FAP: variants seen among roughly 807,000 people sequenced by gnomAD.
The protein encoded by FAP is prolyl endopeptidase FAP.
In FAP, 110 loss-of-function variants were observed where a neutral mutation model predicts 126.5. The observed-to-expected ratio is 0.87, with a 90% CI of 0.74 to 1.02. The LOEUF (loss-of-function observed/expected upper bound fraction) is 1.02, where lower values mean the gene tolerates loss of function less well. Ranked by LOEUF, FAP falls within the 50% of genes least tolerant of loss-of-function variation. The pLI, the probability that FAP is intolerant of heterozygous loss-of-function variation, is 0.00. For missense variants in FAP, 919 were observed against 909.2 expected, an observed-to-expected ratio of 1.01 and a Z score of -0.14; for synonymous variants, 334 against 297.3, an observed-to-expected ratio of 1.12 and a Z score of -1.27.
rs78340784 is a variant in FAP at position 162,173,808 on chromosome 2, T to G, written c.1970-21A>C. 47 of 1,432,362 alleles carry G rather than the reference T, an allele frequency of 3.3e-5. No individual in the cohort carries two copies. The African/African-American group carries it at 6.2e-4, about 19-fold the overall frequency. The allele number at this position is 1,432,362 out of a possible 1,614,324, so 88.7% of individuals were successfully genotyped here. ...AGACGCTATAAAATATATGAGAATA[T>G]GCATTGTTTGCATGTGATGAATGTC... On this transcript the variant is annotated intron_variant, in intron 22 of 25. Coordinates refer to ENST00000188790, the MANE Select transcript of FAP (RefSeq NM_004460.5).
chr2:162,209,953 C>G lies in FAP; in HGVS notation c.1046G>C (p.Gly349Ala). Residue 349 changes from glycine (G) to alanine (A), a missense_variant and splice_region_variant, in exon 12 of 26, where the codon GGA becomes GCA. Coordinates refer to ENST00000188790, the MANE Select transcript of FAP (RefSeq NM_004460.5). ...IEESRTGWAGGFFVSTPVFSY... is the reference protein window; with the variant it reads ...IEESRTGWAGAFFVSTPVFSY... ...AAGAAAAAGATAGCAAAATCATACT[C>G]CACCAGCCCATCCAGTTCTGCTTTC... 6.2e-7 allele frequency: 1 copy of G among 1,612,648 alleles called. No individual in the cohort carries two copies. The highest frequency in any genetic ancestry group is 8.5e-7 in the Non-Finnish European group (1 of 1,179,248).
At chr2:162,178,476 C>T (rs909424784) in intron 21 of FAP, among the ~76,000 whole-genome samples, 3 of 152,116 alleles carry the variant, frequency 2.0e-5, no homozygotes, top group Non-Finnish European at 2.9e-5. Context: ...TAGCACTCCC[C>T]CAGCGTGACA....
intron 2 of FAP, among the ~76,000 whole-genome samples, chr2:162,232,628 C>T (rs1026651341): frequency 6.6e-6 from 1 of 152,136 alleles, no homozygotes; most frequent in African/African-American, 2.4e-5. Context: ...TGAAGAATGT[C>T]TCAGCTCTAA....
chr2:162,209,054 T>C (rs909479324), intron 12 of FAP, among the ~76,000 whole-genome samples: 2 of 152,102 alleles, frequency 1.3e-5, no homozygotes, highest in East Asian at 3.8e-4. Context: ...ATTATCACTT[T>C]ACAGTTTATC....
chr2:162,180,389 G>A (rs1687656245), intron 21 of FAP, among the ~76,000 whole-genome samples: 1 of 152,148 alleles, frequency 6.6e-6, no homozygotes, highest in Admixed American at 6.5e-5. Flanking sequence ...GTGGTCCATG[G>A]ACCCAAACAT....
At chr2:162,171,285 T>C in intron 25 of FAP, 1 of 479,158 alleles carries the variant, frequency 2.1e-6, no homozygotes. Flanking sequence ...TCACATGCTT[T>C]AAACATATTT....
At chr2:162,181,936 T>C (rs1687707159) in intron 21 of FAP, among the ~76,000 whole-genome samples, 2 of 152,234 alleles carry the variant, frequency 1.3e-5, no homozygotes, top group African/African-American at 2.4e-5. Context: ...TCTGCTCAGA[T>C]GTTATATCAC....
chr2:162,238,843 TAAC>T (rs1379263839), intron 2 of FAP, among the ~76,000 whole-genome samples: 7 of 152,304 alleles, frequency 4.6e-5, no homozygotes, highest in South Asian at 2.1e-4. Context: ...ATACTAATAA[TAAC>T]AACAACAACG....
At chr2:162,180,461 CAG>C (rs1687658030) in intron 21 of FAP, among the ~76,000 whole-genome samples, 1 of 152,158 alleles carries the variant, frequency 6.6e-6, no homozygotes, top group Admixed American at 6.5e-5. Flanking sequence ...AGCACAGACT[CAG>C]AATCTCTGGT....
intron 2 of FAP, among the ~76,000 whole-genome samples, chr2:162,237,376 CG>C (rs1259436525): frequency 6.6e-6 from 1 of 152,156 alleles, no homozygotes; most frequent in African/African-American, 2.4e-5. Context: ...CCTAGTCCCC[CG>C]ACCCCCCAAC....
In FAP at chr2:162,170,686, G is replaced by A. The variant is rs546627569; in HGVS notation, c.*293C>T. The A allele has an allele frequency of 1.4e-3, 408 of 300,658 alleles. 1 individual carries two copies. Among genetic ancestry groups the A allele is most frequent in the African/African-American group, 8.3e-3 (388 of 46,900 alleles). 18.6% of individuals were successfully genotyped at this position (300,658 alleles called of 1,614,324 possible). On this transcript the variant is annotated 3_prime_UTR_variant, in exon 26 of 26. Transcript: ENST00000188790. ...ATCAATGAATACAGACAACACAATA[G>A]CACTTGAACTTCTGACTTTATTATT...
intron 2 of FAP, among the ~76,000 whole-genome samples, chr2:162,231,074 C>G (rs1201844839): frequency 6.6e-6 from 1 of 152,132 alleles, no homozygotes; most frequent in Non-Finnish European, 1.5e-5. Context: ...CAAATGCACT[C>G]TTCTTTAAGT....
At chr2:162,225,095 A>G (rs1689579517) in intron 4 of FAP, among the ~76,000 whole-genome samples, 3 of 152,134 alleles carry the variant, frequency 2.0e-5, no homozygotes, top group South Asian at 4.1e-4. Flanking sequence ...TTATTAACCA[A>G]AAGAGGCATT....
chr2:162,237,136 T>C (rs1690168133), intron 2 of FAP, among the ~76,000 whole-genome samples: 1 of 152,230 alleles, frequency 6.6e-6, no homozygotes, highest in African/African-American at 2.4e-5. Flanking sequence ...CTTGGTTCTC[T>C]ATACAATGAG....
At chr2:162,235,714 C>T (rs1185301081) in intron 2 of FAP, among the ~76,000 whole-genome samples, 4 of 152,178 alleles carry the variant, frequency 2.6e-5, no homozygotes, top group African/African-American at 4.8e-5. Context: ...CTGCCTGAGC[C>T]AGCAGTGGCA....
intron 22 of FAP, among the ~76,000 whole-genome samples, chr2:162,174,504 A>G (rs1203492797): frequency 3.9e-5 from 6 of 152,140 alleles, no homozygotes; most frequent in Non-Finnish European, 7.4e-5. Context: ...GTGGAGGTGA[A>G]CTGCTTGGCC....
At position 162,238,398 on chromosome 2, in the gene FAP, C is replaced by T. The variant is rs564992302; in HGVS notation, c.91+4510G>A. On this transcript the variant is annotated intron_variant, in intron 2 of 25. Coordinates refer to ENST00000188790, the MANE Select transcript of FAP (RefSeq NM_004460.5). ...GGAAATCTGAGACAGGTAAACGCCTCTCCATTGTGAGAATCATACAAAGAT... is the reference window on the plus strand; with the variant it reads ...GGAAATCTGAGACAGGTAAACGCCTTTCCATTGTGAGAATCATACAAAGAT... 1.8e-4 allele frequency among the ~76,000 whole-genome samples: 27 copies of T among 152,266 alleles called. No individual in the cohort carries two copies. The South Asian group carries it at 3.7e-3, about 21-fold the overall frequency.
At chr2:162,195,069 T>G in intron 16 of FAP, 1 of 352,710 alleles carries the variant, frequency 2.8e-6, no homozygotes, top group Non-Finnish European at 5.4e-6. Context: ...TGGGAAGATG[T>G]CATGCTGTAT....
intron 2 of FAP, among the ~76,000 whole-genome samples, chr2:162,235,004 G>A (rs1208613233): frequency 6.6e-6 from 1 of 152,114 alleles, no homozygotes; most frequent in East Asian, 1.9e-4. Flanking sequence ...TGCGGAGGGC[G>A]AACCGGGTCC....
Sources: gnomAD v4.1 joint callset for allele counts (sites outside exome capture counted in the v4.1 genomes callset) on GRCh38, gnomAD v4.1.1 for gene constraint, MANE v1.5 for transcripts, NCBI Gene and HGNC (gene_info 2026-07-23, HGNC 2026-07-21) for gene names.